The following ATP2B4 variants were observed in gnomAD, a reference collection of about 807,000 sequenced individuals.
ATP2B4 encodes the protein plasma membrane calcium-transporting ATPase 4.
In ATP2B4, 39 loss-of-function variants were observed where a neutral mutation model predicts 110.3. The ratio of observed to expected loss-of-function variants is 0.35; its 90% CI spans 0.27 to 0.46. ATP2B4 has a LOEUF of 0.46. Ranked by LOEUF, ATP2B4 falls within the 20% of genes least tolerant of loss-of-function variation. The probability of loss-of-function intolerance (pLI) is 1.00; values close to 1 mark genes in which losing one functional copy is unlikely to be tolerated. For synonymous variants in ATP2B4, 538 were observed against 571.7 expected (o/e 0.94, Z 0.84); for missense variants, 1,135 against 1,530.9 (o/e 0.74, Z 4.32).
chr1:203,736,458 A>G (rs1207437528), intron 20 of ATP2B4, among the ~76,000 whole-genome samples: 2 of 151,958 alleles, frequency 1.3e-5, no homozygotes, highest in Non-Finnish European at 2.9e-5. Flanking sequence ...ACAAGAGTGA[A>G]ACTCCATCCC....
At chr1:203,709,605 C>A in intron 11 of ATP2B4, 63 bp downstream of exon 11, 2 of 1,603,952 alleles carry the variant, frequency 1.2e-6, no homozygotes, top group Non-Finnish European at 1.7e-6. Context: ...CATGGGTGCA[C>A]ACCCCACACT....
intron 20 of ATP2B4, among the ~76,000 whole-genome samples, chr1:203,732,103 G>A (rs1313540817): frequency 5.3e-5 from 8 of 150,546 alleles, no homozygotes; most frequent in Non-Finnish European, 1.2e-4. Flanking sequence ...CGTGAACCCG[G>A]GAGGCGGAGC....
Position 203,707,072 on chromosome 1 carries a change from T to G in ATP2B4, c.1163T>G (p.Val388Gly), listed in dbSNP as rs1184661062. 1 of 1,614,062 alleles carries G rather than the reference T, an allele frequency of 6.2e-7. No individual in the cohort carries two copies. The highest frequency in any genetic ancestry group is 8.5e-7 in the Non-Finnish European group (1 of 1,180,036). Residue 388 changes from valine (V) to glycine (G), a missense_variant, in exon 9 of 21, where the codon GTG (valine) becomes GGG (glycine). This residue lies in a region of ATP2B4 where 162 missense variants were observed against 210.5 expected (regional missense o/e 0.77). Transcript: ENST00000357681. ...LILYFVIDNF[V>G]INRRPWLPEC... is the part of the protein sequence containing the mutation. ...CTATACTTTGTGATTGACAACTTTGTGATAAATCGCAGACCATGGCTCCCT... is the reference window on the plus strand; with the variant it reads ...CTATACTTTGTGATTGACAACTTTGGGATAAATCGCAGACCATGGCTCCCT...
At chr1:203,735,594 T>C (rs1169966593) in intron 20 of ATP2B4, among the ~76,000 whole-genome samples, 1 of 152,154 alleles carries the variant, frequency 6.6e-6, no homozygotes, top group Non-Finnish European at 1.5e-5. Context: ...CTTAGATTTG[T>C]TTTGTCTCTT....
chr1:203,727,210 T>A (rs1666550900), intron 19 of ATP2B4, among the ~76,000 whole-genome samples, 185 bp from the exon 20 acceptor site: 1 of 152,208 alleles, frequency 6.6e-6, no homozygotes, highest in Non-Finnish European at 1.5e-5. Flanking sequence ...CCTAAAAGCC[T>A]GACCGCTGGT....
chr1:203,714,351 C>A, intron 15 of ATP2B4, 74 bp downstream of exon 15: 1 of 1,530,702 alleles, frequency 6.5e-7, no homozygotes, highest in Non-Finnish European at 9.0e-7. Flanking sequence ...CTTCTGGTTG[C>A]CTGCTGCTTG....
At chr1:203,665,677 G>A (rs910025523) in intron 1 of ATP2B4, among the ~76,000 whole-genome samples, 20 of 152,136 alleles carry the variant, frequency 1.3e-4, no homozygotes, top group African/African-American at 4.8e-4. Context: ...GTGCGTGCCT[G>A]TAGTCCCAGG....
intron 2 of ATP2B4, among the ~76,000 whole-genome samples, chr1:203,690,484 G>T (rs977818670): frequency 6.6e-6 from 1 of 152,178 alleles, no homozygotes; most frequent in African/African-American, 2.4e-5. Flanking sequence ...CTGCTCTAAA[G>T]CACGGTGGCG....
At chr1:203,696,047 C>A (rs911327859) in intron 2 of ATP2B4, among the ~76,000 whole-genome samples, 3 of 152,118 alleles carry the variant, frequency 2.0e-5, no homozygotes, top group African/African-American at 7.2e-5. Context: ...GCCTCAGCCT[C>A]CCTAGTAGCT....
intron 1 of ATP2B4, among the ~76,000 whole-genome samples, chr1:203,676,715 G>A (rs572889878): frequency 6.6e-6 from 1 of 152,198 alleles, no homozygotes; most frequent in South Asian, 2.1e-4. Flanking sequence ...ACTGAGTGGA[G>A]GAAGCCCTCA....
rs545654648 is a variant in ATP2B4 at position 203,690,494 on chromosome 1, G to A, written c.193+7096G>A. Among the ~76,000 whole-genome samples, 299 of 152,288 alleles carry A rather than the reference G, an allele frequency of 2.0e-3. 1 individual carries two copies. The highest frequency in any genetic ancestry group is 5.6e-3 in the African/African-American group (233 of 41,542). Reference sequence around the variant, plus strand: ...GACCGCTGCTCTAAAGCACGGTGGCGTTAGGGGGATGTGGAGGACTAGGTG... The same window carrying A: ...GACCGCTGCTCTAAAGCACGGTGGCATTAGGGGGATGTGGAGGACTAGGTG... On this transcript the variant is annotated intron_variant, in intron 2 of 20. Coordinates refer to ENST00000357681, the MANE Select transcript of ATP2B4 (RefSeq NM_001684.5).
At chr1:203,739,444 A>G (rs1666950286) in intron 20 of ATP2B4, 102 bp from the exon 21 acceptor site, 1 of 1,175,992 alleles carries the variant, frequency 8.5e-7, no homozygotes, top group East Asian at 2.4e-5. Context: ...CATGTTTTAT[A>G]GTCTGGGTTT....
At chr1:203,673,105 A>C (rs1212100722) in intron 1 of ATP2B4, among the ~76,000 whole-genome samples, 1 of 152,202 alleles carries the variant, frequency 6.6e-6, no homozygotes, top group East Asian at 1.9e-4. Flanking sequence ...CTGGAGCTGA[A>C]GGGGTTCATG....
chr1:203,630,462 C>T (rs1202695304), intron 1 of ATP2B4, among the ~76,000 whole-genome samples: 2 of 151,278 alleles, frequency 1.3e-5, no homozygotes, highest in Admixed American at 1.3e-4. Context: ...CATTGCAGAC[C>T]CACTAAGCCT....
In ATP2B4 at chr1:203,740,160, A is replaced by C. The variant is rs1487467018; in HGVS notation, c.*306A>C. 6 of 303,696 alleles carry C rather than the reference A, an allele frequency of 2.0e-5. No homozygotes were observed. 18.8% of individuals were successfully genotyped at this position (303,696 alleles called of 1,614,324 possible). On this transcript the variant is annotated 3_prime_UTR_variant, in exon 21 of 21. Transcript: ENST00000357681. Reference sequence around the variant, plus strand: ...ATGACAATCCTCTTGGCATCACCCCACCCCACATTCTCCCCGATGTTCCTC... The same window carrying C: ...ATGACAATCCTCTTGGCATCACCCCCCCCCACATTCTCCCCGATGTTCCTC...
rs888046705 is a variant in ATP2B4 at position 203,710,966 on chromosome 1, T to C, written c.1889T>C (p.Met630Thr). ...ATGGTACGCACTGTCATCGAGCCCA[T>C]GGCCTGTGATGGACTCCGGACTATC... ...DDMVRTVIEP[M>T]ACDGLRTICI... The change falls in exon 12 of 21, where the codon ATG (methionine) becomes ACG (threonine). Residue 630 changes from methionine (M) to threonine (T), a missense_variant. Met to Thr is a moderately conservative substitution (Grantham distance 81). Around this residue, in one of 9 missense-constraint regions of ATP2B4, gnomAD observed 368 missense variants for 455.9 expected, o/e 0.81. Transcript: ENST00000357681. 1.2e-6 allele frequency: 2 copies of C among 1,613,970 alleles called. No homozygotes were observed. Among genetic ancestry groups the C allele is most frequent in the African/African-American group, 2.7e-5 (2 of 74,906 alleles).
At chr1:203,688,916 G>A (rs1665285504) in intron 2 of ATP2B4, among the ~76,000 whole-genome samples, 1 of 151,726 alleles carries the variant, frequency 6.6e-6, no homozygotes, top group African/African-American at 2.4e-5. Flanking sequence ...TGGAGCTCCT[G>A]GGCAAGCTGT....
At chr1:203,672,357 A>T (rs34923224) in intron 1 of ATP2B4, among the ~76,000 whole-genome samples, 5,118 of 47,974 alleles carry the variant, frequency 0.11, 358 homozygotes, top group Middle Eastern at 0.17. Flanking sequence ...TTTTTTTTTT[A>T]AAGCTGATTT....
At position 203,707,968 on chromosome 1, in the gene ATP2B4, G is replaced by T. The variant is rs774019293; in HGVS notation, c.1421G>T (p.Arg474Leu). Residue 474 changes from arginine to leucine, a missense_variant, in exon 10 of 21, where the codon CGC becomes CTC. Around this residue, in one of 9 missense-constraint regions of ATP2B4, gnomAD observed 368 missense variants for 455.9 expected, o/e 0.81. Transcript: ENST00000357681. ...AAGACAGGCACGTTGACCATGAACC[G>T]CATGACTGTGGTACAAGCTTATATT... ...SDKTGTLTMN[R>L]MTVVQAYIGG... 44 of 1,614,020 alleles carry T rather than the reference G, an allele frequency of 2.7e-5. No homozygotes were observed. Among genetic ancestry groups the T allele is most frequent in the Non-Finnish European group, 3.3e-5 (39 of 1,180,042 alleles).
Sources: allele counts gnomAD v4.1 joint callset (sites outside exome capture counted in the v4.1 genomes callset), GRCh38; gene constraint gnomAD v4.1.1; regional missense constraint gnomAD v4.1.1; transcripts MANE v1.5; gene names NCBI Gene and HGNC (gene_info 2026-07-23, HGNC 2026-07-21).